CEP89: variants seen among roughly 807,000 people sequenced by gnomAD.
CEP89 encodes the protein centrosomal protein of 89 kDa.
In CEP89, 95 loss-of-function variants were observed where a neutral mutation model predicts 97.6. The ratio of observed to expected loss-of-function variants is 0.97; its 90% CI spans 0.82 to 1.15. The LOEUF (loss-of-function observed/expected upper bound fraction) is 1.15, where lower values mean the gene tolerates loss of function less well. Among genes scored for constraint, CEP89 ranks in the 50% most tolerant of loss-of-function variants. CEP89 has a pLI of 0.00. For missense variants in CEP89, 869 were observed against 947.7 expected (o/e 0.92, Z 1.09); for synonymous variants, 354 against 349.1 (o/e 1.01, Z -0.16).
chr19:32,962,270 G>A (rs981584513), intron 2 of CEP89, among the ~76,000 whole-genome samples: 8 of 152,070 alleles, frequency 5.3e-5, no homozygotes, highest in Non-Finnish European at 2.9e-5. Flanking sequence ...TCACATGCTC[G>A]CTCTCTCTCA....
In CEP89 at chr19:32,936,812, G is replaced by A. The variant is rs1184473350; in HGVS notation, c.667+819C>T. Among the ~76,000 whole-genome samples, 1 of 152,084 alleles carries A rather than the reference G, an allele frequency of 6.6e-6. No homozygotes were observed. The highest frequency in any genetic ancestry group is 1.5e-5 in the Non-Finnish European group (1 of 68,014). On this transcript the variant is annotated intron_variant, in intron 7 of 18. Coordinates refer to ENST00000305768, the MANE Select transcript of CEP89 (RefSeq NM_032816.5). This position sits in a 1 kb window ranked among gnomAD's most constrained non-coding sequence, Gnocchi z 4.5. ...CCCTCTCCAGGGCTTCCTCTTTGCT[G>A]AGAGCTGCAGAGACAGTTGGGTGAC...
At chr19:32,931,312 G>T in intron 9 of CEP89, 117 bp downstream of exon 9, 2 of 929,106 alleles carry the variant, frequency 2.2e-6, no homozygotes, top group East Asian at 2.7e-5. Context: ...TTGTGCCTTG[G>T]ACAGAGCTTT....
Position 32,915,451 on chromosome 19 carries a change from G to A in CEP89, c.1451C>T (p.Ala484Val), listed in dbSNP as rs1211588078. ...AKTHGQEKEL[A>V]ENREQLEILR... Reference sequence around the variant, plus strand: ...AATCTCCAGCTGTTCCCTGTTCTCCGCCAGCTCCTTTTCCTGGCCGTGGGT... The same window carrying A: ...AATCTCCAGCTGTTCCCTGTTCTCCACCAGCTCCTTTTCCTGGCCGTGGGT... Residue 484 changes from alanine (A) to valine (V), a missense_variant, in exon 14 of 19, where the codon GCG becomes GTG. Transcript: ENST00000305768. 11 of 1,613,506 alleles carry A rather than the reference G, an allele frequency of 6.8e-6. No homozygotes were observed. Among genetic ancestry groups the A allele is most frequent in the African/African-American group, 5.3e-5 (4 of 74,800 alleles).
rs367640757 is a variant in CEP89 at position 32,926,230 on chromosome 19, T to A, written c.1124A>T (p.Asp375Val). The A allele has an allele frequency of 2.4e-4, 387 of 1,613,706 alleles. No homozygotes were observed. The highest frequency in any genetic ancestry group is 3.2e-4 in the Non-Finnish European group (375 of 1,179,768). Residue 375 changes from aspartate to valine, a missense_variant, in exon 11 of 19, where the codon GAT (aspartate) becomes GTT (valine). Coordinates refer to ENST00000305768, the MANE Select transcript of CEP89 (RefSeq NM_032816.5). ...GAGCTCGTCCTTCTCTTTCATCATA[T>A]CTTCATAAGCCAGCAACAATGGTGA... ...YLSPLLLAYE[D>V]MMKEKDELNA...
intron 14 of CEP89, among the ~76,000 whole-genome samples, chr19:32,909,762 A>G (rs1173586486): frequency 2.0e-5 from 3 of 152,204 alleles, no homozygotes; most frequent in Non-Finnish European, 4.4e-5. Flanking sequence ...CTAGAAGTGG[A>G]GGACCCATCC....
intron 10 of CEP89, 131 bp from the exon 11 acceptor site, chr19:32,926,404 G>C (rs1951256353): frequency 1.5e-6 from 1 of 674,996 alleles, no homozygotes; most frequent in Non-Finnish European, 2.6e-6. Flanking sequence ...GTTTTTTAAC[G>C]ACTCTCCCAG....
chr19:32,946,805 T>A (rs1237873653), intron 5 of CEP89, among the ~76,000 whole-genome samples: 1 of 152,194 alleles, frequency 6.6e-6, no homozygotes, highest in Non-Finnish European at 1.5e-5. Context: ...CTGCCATGAC[T>A]GTGAGGCCTC....
chr19:32,942,009 G>A (rs1200273751), intron 5 of CEP89, among the ~76,000 whole-genome samples: 1 of 152,178 alleles, frequency 6.6e-6, no homozygotes, highest in African/African-American at 2.4e-5. Context: ...CATATTTAAT[G>A]GAGTCTTCTA....
rs763559402 is a variant in CEP89 at position 32,899,860 on chromosome 19, A to G, written c.1872T>C (p.Cys624=). The G allele has an allele frequency of 1.2e-5, 20 of 1,611,520 alleles. No homozygotes were observed. The highest frequency in any genetic ancestry group is 1.7e-5 in the Non-Finnish European group (20 of 1,178,894). ...ATGTAACCTTCAGGAAACTTACCAA[A>G]CACATAAGACTGTCACGTTCCTGGG... The part of the protein sequence containing the change: ...NITQERDSLM[C]LAKCLESEKD... Residue 624 remains cysteine (C), a synonymous_variant, in exon 16 of 19, where the codon TGT becomes TGC. Coordinates refer to ENST00000305768, the MANE Select transcript of CEP89 (RefSeq NM_032816.5).
chr19:32,882,208 T>A (rs964412405), intron 17 of CEP89, among the ~76,000 whole-genome samples, 195 bp from the exon 18 acceptor site: 1 of 152,120 alleles, frequency 6.6e-6, no homozygotes, highest in Non-Finnish European at 1.5e-5. Context: ...TCAGGTACAA[T>A]AAAACCAAAT....
intron 5 of CEP89, 70 bp downstream of exon 5, chr19:32,948,195 TA>T: frequency 1.2e-6 from 1 of 851,422 alleles, no homozygotes; most frequent in African/African-American, 1.7e-5. Flanking sequence ...TATGTTTTCC[TA>T]AAAATAAGCA....
At chr19:32,928,448 T>C (rs1259835355) in intron 9 of CEP89, among the ~76,000 whole-genome samples, 4 of 152,088 alleles carry the variant, frequency 2.6e-5, no homozygotes, top group Admixed American at 2.6e-4. Flanking sequence ...GCTTGTTTTT[T>C]CACCCTGGTC....
chr19:32,911,369 A>G (rs1473740845), intron 14 of CEP89, among the ~76,000 whole-genome samples: 1 of 152,264 alleles, frequency 6.6e-6, no homozygotes, highest in African/African-American at 2.4e-5. Context: ...AAAAAAGCAC[A>G]TGTCTGGCCA....
At chr19:32,924,493 C>T (rs1300844421) in intron 11 of CEP89, among the ~76,000 whole-genome samples, 2 of 152,170 alleles carry the variant, frequency 1.3e-5, no homozygotes, top group Non-Finnish European at 2.9e-5. Flanking sequence ...AGGGCTTTTC[C>T]AGCTTCCGTG....
chr19:32,969,570 G>A (rs4570989), intron 1 of CEP89: 40,494 of 152,432 alleles, frequency 0.27, 5,640 homozygotes, highest in Admixed American at 0.35. Context: ...ACACCCCTGA[G>A]CCTGCAGGGA....
intron 4 of CEP89, among the ~76,000 whole-genome samples, chr19:32,952,479 A>G (rs1970941599): frequency 7.0e-6 from 1 of 142,322 alleles, no homozygotes; most frequent in African/African-American, 2.6e-5. Flanking sequence ...CCCCATCTCA[A>G]TTTAAAAAAA....
chr19:32,926,210 C>T lies in CEP89; in HGVS notation c.1144G>A (p.Glu382Lys), dbSNP rs1260661351. 7 of 1,613,394 alleles carry T rather than the reference C, an allele frequency of 4.3e-6. No individual in the cohort carries two copies. The highest frequency in any genetic ancestry group is 4.5e-5 in the East Asian group (2 of 44,878). Residue 382 changes from glutamate to lysine, a missense_variant, in exon 11 of 19, where the codon GAG becomes AAG. By Grantham distance (56) the Glu-to-Lys change is moderately conservative. Transcript: ENST00000305768. ...AYEDMMKEKD[E>K]LNATLKEEMR... ...CCTACCTTGAGGGTGGCATTGAGCT[C>T]GTCCTTCTCTTTCATCATATCTTCA...
In CEP89 at chr19:32,879,037, C is replaced by A; in HGVS notation, c.*125G>T. On this transcript the variant is annotated 3_prime_UTR_variant, in exon 19 of 19. Transcript: ENST00000305768. ...AACTATGAGACCATTTATTTCTTCCCTGCCCTGCAGCGTTCAGTGGGCTTA... is the reference window on the plus strand; with the variant it reads ...AACTATGAGACCATTTATTTCTTCCATGCCCTGCAGCGTTCAGTGGGCTTA... 1.5e-6 allele frequency: 1 copy of A among 649,830 alleles called. No individual in the cohort carries two copies. Among genetic ancestry groups the A allele is most frequent in the East Asian group, 2.7e-5 (1 of 37,590 alleles). 40.3% of individuals were successfully genotyped at this position (649,830 alleles called of 1,614,324 possible). A position where few individuals can be genotyped will look rare whatever the true frequency, so the allele number is the denominator to read the frequency against.
chr19:32,907,062 A>C (rs1156688929), intron 14 of CEP89, among the ~76,000 whole-genome samples: 1 of 152,164 alleles, frequency 6.6e-6, no homozygotes, highest in Non-Finnish European at 1.5e-5. Context: ...CTGTGGCTTA[A>C]GGAAGAAAGA....
Sources: allele counts gnomAD v4.1 joint callset (sites outside exome capture counted in the v4.1 genomes callset), GRCh38; gene constraint gnomAD v4.1.1; non-coding constraint Gnocchi (gnomAD v3.1); transcripts MANE v1.5; gene names NCBI Gene and HGNC (gene_info 2026-07-23, HGNC 2026-07-21).